The following PPP1R13B variants were observed in gnomAD, a reference collection of about 807,000 sequenced individuals.
PPP1R13B encodes protein phosphatase 1 regulatory subunit 13B.
Under a neutral mutation model 119.8 loss-of-function variants are expected in PPP1R13B, and 44 were observed. The ratio of observed to expected loss-of-function variants is 0.37; its 90% CI spans 0.29 to 0.47. The LOEUF is 0.47. Ranked by LOEUF, PPP1R13B falls within the 20% of genes least tolerant of loss-of-function variation. The probability of loss-of-function intolerance (pLI) is 0.99; values close to 1 mark genes in which losing one functional copy is unlikely to be tolerated. For synonymous variants in PPP1R13B, 542 were observed against 561.5 expected, an observed-to-expected ratio of 0.97 and a Z score of 0.49; for missense variants, 1,227 against 1,413.5, an observed-to-expected ratio of 0.87 and a Z score of 2.12.
At chr14:103,822,217 C>A (rs2086427184) in intron 1 of PPP1R13B, among the ~76,000 whole-genome samples, 2 of 152,056 alleles carry the variant, frequency 1.3e-5, no homozygotes, top group Admixed American at 1.3e-4. Flanking sequence ...TCACTGCAAC[C>A]TCCGCCTCCT....
chr14:103,735,770 G>C lies in PPP1R13B; in HGVS notation c.3231+233C>G, dbSNP rs117217143. ...AGCTCATTGAGCGGCCCCTCACTGG[G>C]GCACTCAGCCTCCGCACGGGCCTCC... On this transcript the variant is annotated intron_variant, in intron 16 of 16. Coordinates refer to ENST00000202556, the MANE Select transcript of PPP1R13B (RefSeq NM_015316.3). Among the ~76,000 whole-genome samples, 23 of 152,330 alleles carry C rather than the reference G, an allele frequency of 1.5e-4. No homozygotes were observed. The East Asian group carries it at 3.9e-3, about 26-fold the overall frequency.
At position 103,810,292 on chromosome 14, in the gene PPP1R13B, C is replaced by T. The variant is rs866984017; in HGVS notation, c.10-12774G>A. Among the ~76,000 whole-genome samples the T allele has an allele frequency of 4.9e-4, 75 of 152,088 alleles. 1 individual carries two copies. The highest frequency in any genetic ancestry group is 3.4e-3 in the Middle Eastern group (1 of 294). ...CAAAAATTAGCCCGACGTGGTGGCA[C>T]ATGCCTATAATCCCGGCTACTCAGG... On this transcript the variant is annotated intron_variant, in intron 1 of 16. Transcript: ENST00000202556.
chr14:103,791,198 T>C (rs1376068710), intron 2 of PPP1R13B, among the ~76,000 whole-genome samples: 3 of 152,002 alleles, frequency 2.0e-5, no homozygotes, highest in Non-Finnish European at 4.4e-5. Context: ...CATAGCTCAC[T>C]GTAGCCTTGA....
At chr14:103,821,274 C>T (rs758877920) in intron 1 of PPP1R13B, among the ~76,000 whole-genome samples, 27 of 152,164 alleles carry the variant, frequency 1.8e-4, no homozygotes, top group Non-Finnish European at 2.9e-4. Context: ...AGCAACAGCA[C>T]GACATACCAT....
chr14:103,811,263 C>A (rs1240031186), intron 1 of PPP1R13B, among the ~76,000 whole-genome samples: 1 of 151,952 alleles, frequency 6.6e-6, no homozygotes, highest in Non-Finnish European at 1.5e-5. Flanking sequence ...GCCTCAGGAC[C>A]AGTTTTGTTT....
intron 8 of PPP1R13B, among the ~76,000 whole-genome samples, chr14:103,749,300 A>G (rs1313003959): frequency 3.9e-5 from 6 of 152,216 alleles, no homozygotes; most frequent in Admixed American, 3.9e-4. Flanking sequence ...TTTTAGAAGC[A>G]TAACCCCTTA....
intron 1 of PPP1R13B, among the ~76,000 whole-genome samples, chr14:103,839,250 G>A (rs866553528): frequency 2.8e-4 from 42 of 152,026 alleles, no homozygotes; most frequent in Middle Eastern, 6.8e-3. Context: ...CTAACCTTGT[G>A]ATCTGCCCAC....
intron 4 of PPP1R13B, among the ~76,000 whole-genome samples, chr14:103,761,630 G>A (rs906130929): frequency 3.3e-5 from 5 of 152,060 alleles, no homozygotes; most frequent in Non-Finnish European, 7.4e-5. Context: ...GGGCATGGTG[G>A]CAGGTGCCTG....
rs1192551898 is a variant in PPP1R13B, at chr14:103,741,849, G to A, written c.1763C>T (p.Thr588Ile). The change falls in exon 11 of 17, where the codon ACA (threonine) becomes ATA (isoleucine). Residue 588 changes from threonine (T) to isoleucine (I), a missense_variant. Transcript: ENST00000202556. ...SIYSMYLQQA[T>I]PPKNYQPAAH... ...TGCCGGCTGGTAATTCTTAGGTGGT[G>A]TGGCTTGCTGGAGGTACATGGAGTA... is the stretch of plus-strand genomic sequence containing the variant. 8 of 1,614,130 alleles carry A rather than the reference G, an allele frequency of 5.0e-6. No homozygotes were observed. Among genetic ancestry groups the A allele is most frequent in the Middle Eastern group, 1.6e-4 (1 of 6,084 alleles).
intron 1 of PPP1R13B, among the ~76,000 whole-genome samples, chr14:103,799,368 C>T (rs1262940712): frequency 2.0e-5 from 3 of 151,808 alleles, no homozygotes; most frequent in Non-Finnish European, 4.4e-5. Flanking sequence ...TCAGTAGAGA[C>T]GGGGTTTCAC....
Position 103,762,907 on chromosome 14 carries a change from C to T in PPP1R13B, c.355-5156G>A, listed in dbSNP as rs1218270418. On this transcript the variant is annotated intron_variant, in intron 4 of 16. Transcript: ENST00000202556. ...CAGTGGAATCAGAGCAAATTTCCAT[C>T]AGGACAAACAGCCTTGTTGCTGTCC... The T allele has an allele frequency of 3.2e-6, 3 of 937,380 alleles. No homozygotes were observed. In the Admixed American group the frequency reaches 6.0e-5, roughly 19 times the overall value. 58.1% of individuals were successfully genotyped at this position (937,380 alleles called of 1,614,324 possible). A position where few individuals can be genotyped will look rare whatever the true frequency, so the allele number is the denominator to read the frequency against.
chr14:103,832,941 C>T (rs1430107509), intron 1 of PPP1R13B, among the ~76,000 whole-genome samples: 2 of 151,538 alleles, frequency 1.3e-5, no homozygotes, highest in African/African-American at 2.4e-5. Context: ...GAGATCGTGC[C>T]ACTGCACTCC....
chr14:103,820,093 G>A (rs1336405381), intron 1 of PPP1R13B, among the ~76,000 whole-genome samples: 1 of 152,144 alleles, frequency 6.6e-6, no homozygotes, highest in African/African-American at 2.4e-5. Flanking sequence ...AAACAAGGGG[G>A]AGGGGCAGGG....
At chr14:103,736,515 A>AT in intron 15 of PPP1R13B, 1 of 427,778 alleles carries the variant, frequency 2.3e-6, no homozygotes, top group East Asian at 4.0e-5. Flanking sequence ...GCCAGAACAG[A>AT]TTTCTAAAGT....
intron 1 of PPP1R13B, among the ~76,000 whole-genome samples, chr14:103,838,102 G>A (rs2086819345): frequency 6.6e-6 from 1 of 152,118 alleles, no homozygotes; most frequent in Non-Finnish European, 1.5e-5. Context: ...CTGGGCGACA[G>A]AGTGAGACTC....
At chr14:103,759,073 C>G (rs1481646270) in intron 4 of PPP1R13B, 1 of 152,014 alleles carries the variant, frequency 6.6e-6, no homozygotes, top group Non-Finnish European at 1.5e-5. Context: ...ATTCTCCTGC[C>G]TCAGTCTCCC....
At chr14:103,808,460 A>G (rs1308749250) in intron 1 of PPP1R13B, among the ~76,000 whole-genome samples, 6 of 152,224 alleles carry the variant, frequency 3.9e-5, no homozygotes, top group Non-Finnish European at 7.3e-5. Context: ...AAAAAAGATC[A>G]TTAAAAAACA....
At chr14:103,783,158 C>T (rs1418809650) in intron 3 of PPP1R13B, among the ~76,000 whole-genome samples, 1 of 151,940 alleles carries the variant, frequency 6.6e-6, no homozygotes, top group Admixed American at 6.6e-5. Flanking sequence ...AGAGAATTAG[C>T]CCTTTGCAAT....
chr14:103,810,113 C>T (rs529273581), intron 1 of PPP1R13B, among the ~76,000 whole-genome samples: 2 of 152,070 alleles, frequency 1.3e-5, no homozygotes, highest in East Asian at 2.0e-4. Flanking sequence ...TGTGAGCCAC[C>T]GCGCCCAGCT....
Sources: gnomAD v4.1 joint callset for allele counts (sites outside exome capture counted in the v4.1 genomes callset) on GRCh38, gnomAD v4.1.1 for gene constraint, MANE v1.5 for transcripts, NCBI Gene and HGNC (gene_info 2026-07-23, HGNC 2026-07-21) for gene names.